Variants in ANO4 observed in about 807,000 individuals in gnomAD.
The protein encoded by ANO4 is anoctamin-4.
Under a neutral mutation model 141.9 loss-of-function variants are expected in ANO4, and 69 were observed. The ratio of observed to expected loss-of-function variants is 0.49; its 90% CI spans 0.40 to 0.59. The LOEUF (loss-of-function observed/expected upper bound fraction) is 0.59. Among genes scored for constraint, ANO4 ranks in the 20% least tolerant of loss-of-function variants. The pLI, the probability that ANO4 is intolerant of heterozygous loss-of-function variation, is 0.00. For missense variants in ANO4, 894 were observed against 1,162.2 expected (o/e 0.77, Z 3.36); for synonymous variants, 350 against 394.3 (o/e 0.89, Z 1.33).
At chr12:101,122,845 T>G (rs1294492884) in intron 26 of ANO4, among the ~76,000 whole-genome samples, 1 of 152,226 alleles carries the variant, frequency 6.6e-6, no homozygotes, top group East Asian at 1.9e-4. Flanking sequence ...TATTTCTGGT[T>G]GTGTATCATC....
intron 14 of ANO4, among the ~76,000 whole-genome samples, chr12:101,065,064 C>T (rs1051197955): frequency 1.3e-5 from 2 of 151,986 alleles, no homozygotes; most frequent in African/African-American, 4.8e-5. Flanking sequence ...TTTGGGTATG[C>T]CAAAGAGAAG....
chr12:100,791,130 G>A (rs1250870351), upstream of ANO4, among the ~76,000 whole-genome samples: 1 of 152,166 alleles, frequency 6.6e-6, no homozygotes, highest in Non-Finnish European at 1.5e-5. Flanking sequence ...TGTAATCCTA[G>A]CACTTTGGGA....
At chr12:100,802,042 A>G (rs1032198460) in intron 1 of ANO4, among the ~76,000 whole-genome samples, 1 of 152,142 alleles carries the variant, frequency 6.6e-6, no homozygotes, top group African/African-American at 2.4e-5. Flanking sequence ...TTTGCCATTC[A>G]AAGTCATCAC....
intron 5 of ANO4, among the ~76,000 whole-genome samples, chr12:100,944,509 A>G (rs891349790): frequency 6.6e-6 from 1 of 151,230 alleles, no homozygotes; most frequent in African/African-American, 2.4e-5. Flanking sequence ...ACTTTCCCCC[A>G]AAAGTTCTTC....
At chr12:100,889,208 T>A (rs1202676923) in intron 1 of ANO4, among the ~76,000 whole-genome samples, 4 of 152,040 alleles carry the variant, frequency 2.6e-5, no homozygotes, top group Admixed American at 2.6e-4. Flanking sequence ...AAGGACATGA[T>A]CTCATCATTT....
At chr12:100,949,410 T>C (rs933332871) in intron 5 of ANO4, among the ~76,000 whole-genome samples, 1 of 152,214 alleles carries the variant, frequency 6.6e-6, no homozygotes, top group Non-Finnish European at 1.5e-5. Context: ...AAAGTTAACT[T>C]ATCTGCAAAA....
intron 8 of ANO4, among the ~76,000 whole-genome samples, chr12:101,012,248 GGA>G (rs1218352270): frequency 6.6e-5 from 10 of 152,180 alleles, no homozygotes; most frequent in African/African-American, 2.4e-4. Context: ...GTCTGTAGGG[GGA>G]GAGGGGCAGA....
At chr12:101,021,647 C>A (rs1593039023) in intron 9 of ANO4, among the ~76,000 whole-genome samples, 1 of 152,126 alleles carries the variant, frequency 6.6e-6, no homozygotes, top group East Asian at 1.9e-4. Flanking sequence ...TGGCACTCAG[C>A]CAAATCCAGC....
intron 13 of ANO4, among the ~76,000 whole-genome samples, chr12:101,046,237 A>G (rs781337393): frequency 2.6e-5 from 4 of 152,250 alleles, no homozygotes; most frequent in African/African-American, 4.8e-5. Flanking sequence ...GAGGTGGACT[A>G]TGGAGTGAAT....
intron 14 of ANO4, 80 bp from the exon 15 acceptor site, chr12:101,079,113 C>A: frequency 8.1e-7 from 1 of 1,227,026 alleles, no homozygotes; most frequent in Non-Finnish European, 1.2e-6. Context: ...TTGGCAATGG[C>A]TTCATTATTC....
chr12:100,845,570 G>T (rs2037513761), intron 1 of ANO4, among the ~76,000 whole-genome samples: 2 of 152,100 alleles, frequency 1.3e-5, no homozygotes, highest in African/African-American at 4.8e-5. Flanking sequence ...TAAGATGTTT[G>T]CAATAGAGTC....
chr12:100,726,390 C>T (rs529942150), intron 1 of ANO4, among the ~76,000 whole-genome samples: 1 of 152,318 alleles, frequency 6.6e-6, no homozygotes, highest in Non-Finnish European at 1.5e-5. Context: ...GTGTTTCTCC[C>T]TTCCTGATTA....
chr12:100,773,194 A>G (rs2033370172), intron 3 of ANO4, among the ~76,000 whole-genome samples: 1 of 152,184 alleles, frequency 6.6e-6, no homozygotes, highest in South Asian at 2.1e-4. Context: ...GGTAGATGGG[A>G]CAAGGAAACT....
At chr12:100,946,299 C>T (rs1592798326) in intron 5 of ANO4, among the ~76,000 whole-genome samples, 1 of 152,126 alleles carries the variant, frequency 6.6e-6, no homozygotes, top group African/African-American at 2.4e-5. Context: ...AATATAAGAT[C>T]TGTTTTCTGT....
At chr12:100,910,439 T>C (rs1258888946) in intron 2 of ANO4, among the ~76,000 whole-genome samples, 1 of 152,146 alleles carries the variant, frequency 6.6e-6, no homozygotes, top group Non-Finnish European at 1.5e-5. Flanking sequence ...TCTTTCCTTC[T>C]GATTGTTTCA....
chr12:100,952,543 G>A (rs1002939238), intron 5 of ANO4, among the ~76,000 whole-genome samples: 1 of 152,086 alleles, frequency 6.6e-6, no homozygotes, highest in African/African-American at 2.4e-5. Context: ...TGTGTGTCTG[G>A]GGAAAGCTGA....
In ANO4 at chr12:100,942,358, C is replaced by T; in HGVS notation, c.298-19C>T. 2 of 1,606,946 alleles carry T rather than the reference C, an allele frequency of 1.2e-6. No homozygotes were observed. The highest frequency in any genetic ancestry group is 1.7e-6 in the Non-Finnish European group (2 of 1,177,690). On this transcript the variant is annotated intron_variant, in intron 4 of 27. Transcript: ENST00000392977. ...ATTTGATGAATGACTTAAACTGGTC[C>T]CTTTCTCTTTGTGTGCAGACAGTGC... is the stretch of plus-strand genomic sequence containing the variant.
intron 1 of ANO4, among the ~76,000 whole-genome samples, chr12:100,854,947 C>A (rs1034982176): frequency 1.3e-5 from 2 of 152,042 alleles, no homozygotes; most frequent in Non-Finnish European, 2.9e-5. Flanking sequence ...TCTGTGGCTT[C>A]GTGTAGGGAG....
At chr12:100,882,344 A>G (rs1411151534) in intron 1 of ANO4, among the ~76,000 whole-genome samples, 4 of 152,232 alleles carry the variant, frequency 2.6e-5, no homozygotes, top group African/African-American at 9.6e-5. Context: ...CACTGTTAAT[A>G]CATAATTGTG....
Sources: allele counts gnomAD v4.1 joint callset (sites outside exome capture counted in the v4.1 genomes callset), GRCh38; gene constraint gnomAD v4.1.1; transcripts MANE v1.5; gene names NCBI Gene and HGNC (gene_info 2026-07-23, HGNC 2026-07-21).